The following PSD3 variants were observed in gnomAD, a reference collection of about 807,000 sequenced individuals.
PSD3 encodes the protein pleckstrin and Sec7 domain containing 3, also known as PH and SEC7 domain-containing protein 3.
A neutral mutation model predicts 105.5 loss-of-function variants in PSD3; 49 were observed. The ratio of observed to expected loss-of-function variants is 0.46; its 90% CI spans 0.37 to 0.59. The LOEUF is 0.59. PSD3 is among the 20% of genes least tolerant of loss of function. The pLI, the probability that PSD3 is intolerant of heterozygous loss-of-function variation, is 0.00. For missense variants in PSD3, 1,561 were observed against 1,263.8 expected (o/e 1.24, Z -3.57); for synonymous variants, 557 against 457.8 (o/e 1.22, Z -2.77).
chr8:19,009,888 G>A (rs1459206155), intron 1 of PSD3, among the ~76,000 whole-genome samples: 1 of 152,062 alleles, frequency 6.6e-6, no homozygotes, highest in Non-Finnish European at 1.5e-5. Flanking sequence ...GAGATCTTGT[G>A]TCAACAACAA....
intron 15 of PSD3, among the ~76,000 whole-genome samples, chr8:18,552,584 G>A (rs1800832336): frequency 6.6e-6 from 1 of 152,276 alleles, no homozygotes; most frequent in South Asian, 2.1e-4. Context: ...ATCTGCCCCA[G>A]AACTTGATCT....
intron 1 of PSD3, among the ~76,000 whole-genome samples, chr8:19,054,771 T>C (rs973475201): frequency 2.0e-5 from 3 of 152,214 alleles, no homozygotes; most frequent in Non-Finnish European, 4.4e-5. Context: ...CTTGATAACA[T>C]CTGATAGCAC....
At chr8:18,719,673 A>G (rs1802827490) in intron 9 of PSD3, among the ~76,000 whole-genome samples, 2 of 152,188 alleles carry the variant, frequency 1.3e-5, no homozygotes. Context: ...CTATTTCCCG[A>G]GATAGTATGA....
intron 9 of PSD3, among the ~76,000 whole-genome samples, chr8:18,686,823 A>C (rs970420306): frequency 2.0e-5 from 3 of 152,108 alleles, no homozygotes; most frequent in African/African-American, 7.2e-5. Flanking sequence ...ATGACCCTCC[A>C]TCTGCTGTCA....
chr8:18,632,629 A>G lies in PSD3; in HGVS notation c.2394T>C (p.Asp798=). The change falls in exon 11 of 16, where the codon GAT becomes GAC. Residue 798 remains aspartate, a synonymous_variant. Coordinates refer to ENST00000327040, the MANE Select transcript of PSD3 (RefSeq NM_015310.4). ...GATACTTACTCTTCTTTCCATCCAT[A>G]TCTGCATGAATTTTCCGAGCCAAGA... is the stretch of plus-strand genomic sequence containing the variant. ...SGFLARKIHA[D]MDGKKTPRGK... 2.5e-6 allele frequency: 4 copies of G among 1,611,916 alleles called. No individual in the cohort carries two copies. Among genetic ancestry groups the G allele is most frequent in the Non-Finnish European group, 3.4e-6 (4 of 1,178,664 alleles).
In PSD3 at chr8:18,664,129, T is replaced by G. The variant is rs78367473; in HGVS notation, c.2173-8444A>C. 5.7e-3 allele frequency among the ~76,000 whole-genome samples: 867 copies of G among 152,266 alleles called. 22 individuals carry two copies. In the East Asian group the frequency reaches 0.07, roughly 12 times the overall value. The stretch of plus-strand genomic sequence containing the variant: ...AGACCAATTAGTAATCCTGCAATGG[T>G]CTCTAACTGTTCAAGTAAAAGGAAG... On this transcript the variant is annotated intron_variant, in intron 9 of 15. Transcript: ENST00000327040.
intron 8 of PSD3, among the ~76,000 whole-genome samples, chr8:18,787,347 G>C (rs1433686376): frequency 1.3e-5 from 2 of 152,102 alleles, no homozygotes; most frequent in Non-Finnish European, 2.9e-5. Flanking sequence ...GATGCATTGA[G>C]AGGTACAGAA....
chr8:18,952,818 T>C (rs576120066), intron 1 of PSD3, among the ~76,000 whole-genome samples: 11 of 152,330 alleles, frequency 7.2e-5, no homozygotes, highest in African/African-American at 2.4e-4. Flanking sequence ...TAGTTATTTT[T>C]CTAATTCTTG....
Position 19,068,655 on chromosome 8 carries a change from G to C in PSD3, c.324+15551C>G, listed in dbSNP as rs28564853. ...AACTGACACGTCCTTGCGATAGTTTGCTGAGAATGACGAGTTAATGGGTGC... is the reference window on the plus strand; with the variant it reads ...AACTGACACGTCCTTGCGATAGTTTCCTGAGAATGACGAGTTAATGGGTGC... On this transcript the variant is annotated intron_variant, in intron 1 of 1. Transcript: ENST00000521475. Among the ~76,000 whole-genome samples the C allele has an allele frequency of 6.4e-3, 970 of 152,040 alleles. 9 individuals are homozygous for C. The highest frequency in any genetic ancestry group is 0.023 in the African/African-American group (950 of 41,444).
intron 11 of PSD3, among the ~76,000 whole-genome samples, chr8:18,623,882 G>A (rs1013675504): frequency 6.6e-6 from 1 of 151,968 alleles, no homozygotes; most frequent in Non-Finnish European, 1.5e-5. Context: ...TGTTTTGCAT[G>A]CTTTCAAATG....
At chr8:18,779,326 T>C (rs1218321495) in intron 8 of PSD3, among the ~76,000 whole-genome samples, 1 of 152,056 alleles carries the variant, frequency 6.6e-6, no homozygotes, top group African/African-American at 2.4e-5. Flanking sequence ...TTTATTTGTG[T>C]CTTCTTTTTT....
chr8:18,657,063 C>G (rs1585524010), intron 9 of PSD3, among the ~76,000 whole-genome samples: 1 of 152,090 alleles, frequency 6.6e-6, no homozygotes, highest in Non-Finnish European at 1.5e-5. Flanking sequence ...AAGGCTTAGC[C>G]AAGACTTCAT....
intron 9 of PSD3, among the ~76,000 whole-genome samples, chr8:18,694,504 G>A (rs1431446130): frequency 1.3e-5 from 2 of 151,996 alleles, no homozygotes; most frequent in Non-Finnish European, 2.9e-5. Context: ...CAGCTACTTG[G>A]GAGGCTGAGG....
At chr8:18,869,873 A>G (rs1817211989) in intron 3 of PSD3, among the ~76,000 whole-genome samples, 1 of 152,224 alleles carries the variant, frequency 6.6e-6, no homozygotes, top group African/African-American at 2.4e-5. Context: ...CCATGAGGAC[A>G]GTATCCGTGA....
intron 9 of PSD3, chr8:18,684,243 CA>C (rs1585611766): frequency 2.7e-4 from 56 of 210,924 alleles, no homozygotes; most frequent in Middle Eastern, 1.7e-3. Flanking sequence ...CACACACACA[CA>C]CACACACCCC....
At chr8:19,006,767 T>C (rs1415019059) in intron 1 of PSD3, among the ~76,000 whole-genome samples, 1 of 152,060 alleles carries the variant, frequency 6.6e-6, no homozygotes, top group Non-Finnish European at 1.5e-5. Context: ...CCAATACAGA[T>C]GCTATTCAGA....
At chr8:18,890,599 C>A (rs1818724973) in intron 2 of PSD3, among the ~76,000 whole-genome samples, 1 of 152,170 alleles carries the variant, frequency 6.6e-6, no homozygotes, top group Non-Finnish European at 1.5e-5. Flanking sequence ...TCCCGGTAAG[C>A]TCGTTGGGAA....
intron 12 of PSD3, among the ~76,000 whole-genome samples, chr8:18,585,575 C>T (rs1803118093): frequency 6.6e-6 from 1 of 152,122 alleles, no homozygotes; most frequent in Non-Finnish European, 1.5e-5. Context: ...ACCTCAGCCT[C>T]CCAAAGTGCT....
rs1380976696 is a variant in PSD3 at position 18,717,987 on chromosome 8, G to A, written c.2172+47462C>T. ...CCAGCTTCCAAGACGGCACCCAGCGGCCTGCCTCTGGGACTCATGTGCTTG... is the reference window on the plus strand; with the variant it reads ...CCAGCTTCCAAGACGGCACCCAGCGACCTGCCTCTGGGACTCATGTGCTTG... On this transcript the variant is annotated intron_variant, in intron 9 of 15. Transcript: ENST00000327040. Among the ~76,000 whole-genome samples the A allele has an allele frequency of 3.3e-5, 5 of 152,262 alleles. No homozygotes were observed. In the East Asian group the frequency reaches 7.7e-4, roughly 24 times the overall value.
Sources: allele counts gnomAD v4.1 joint callset (sites outside exome capture counted in the v4.1 genomes callset), GRCh38; gene constraint gnomAD v4.1.1; transcripts MANE v1.5; gene names NCBI Gene and HGNC (gene_info 2026-07-23, HGNC 2026-07-21).